ZNF462: variants seen among roughly 807,000 people sequenced by gnomAD.
The protein encoded by ZNF462 is zinc finger protein 462, also known as zinc finger PBX1-interacting protein.
Under a neutral mutation model 201.9 loss-of-function variants are expected in ZNF462, and 10 were observed. The observed-to-expected ratio is 0.05, with a 90% CI of 0.03 to 0.08. ZNF462 has a LOEUF of 0.08. Ranked by LOEUF, ZNF462 falls within the 10% of genes least tolerant of loss-of-function variation. ZNF462 has a pLI of 1.00. For synonymous variants in ZNF462, 1,227 were observed against 1,193.3 expected, an observed-to-expected ratio of 1.03 and a Z score of -0.58; for missense variants, 2,523 against 3,168.3, an observed-to-expected ratio of 0.80 and a Z score of 4.89.
rs1829913010 is a variant in ZNF462 at position 106,919,717 on chromosome 9, G to A, written c.-30-3637G>A. On this transcript the variant is annotated intron_variant, in intron 1 of 12. Transcript: ENST00000277225. This position sits in a 1 kb window ranked among gnomAD's most constrained non-coding sequence, Gnocchi z 4.5. ...GGATGGTTTAGGGGTTTCATGTTAGGAGGACCAGTCACATTAGGTGCCAGT... is the reference window on the plus strand; with the variant it reads ...GGATGGTTTAGGGGTTTCATGTTAGAAGGACCAGTCACATTAGGTGCCAGT... Among the ~76,000 whole-genome samples the A allele has an allele frequency of 1.3e-5, 2 of 152,312 alleles. No individual in the cohort carries two copies. The highest frequency in any genetic ancestry group is 1.3e-4 in the Admixed American group (2 of 15,302).
At position 106,962,978 on chromosome 9, in the gene ZNF462, G is replaced by C. The variant is rs1831909914; in HGVS notation, c.6428-9027G>C. On this transcript the variant is annotated intron_variant, in intron 7 of 12. Transcript: ENST00000277225. The surrounding 1 kb of genome is among the most constrained non-coding windows in gnomAD (Gnocchi z 4.6). ...AAGAAGGAAATAAAATAATGTGACT[G>C]CCTTTAGAGGCGTATGTTCCCCCTT... Among the ~76,000 whole-genome samples the C allele has an allele frequency of 6.6e-6, 1 of 152,122 alleles. No homozygotes were observed. Among genetic ancestry groups the C allele is most frequent in the East Asian group, 1.9e-4 (1 of 5,154 alleles).
At chr9:106,945,099 T>C (rs1196848613) in intron 7 of ZNF462, among the ~76,000 whole-genome samples, 3 of 152,212 alleles carry the variant, frequency 2.0e-5, no homozygotes, top group Admixed American at 6.5e-5. Context: ...ATCCAGTCTT[T>C]AATAAATGTC....
chr9:106,901,996 C>G (rs919835856), intron 1 of ZNF462, among the ~76,000 whole-genome samples: 1 of 151,952 alleles, frequency 6.6e-6, no homozygotes, highest in African/African-American at 2.4e-5. Context: ...TTGTCTTGTT[C>G]CAGTTCTCAG....
rs1827839053 is a variant in ZNF462 at position 106,876,584 on chromosome 9, CA to C, written c.-31+13230del. On this transcript the variant is annotated intron_variant, in intron 1 of 12. Coordinates refer to ENST00000277225, the MANE Select transcript of ZNF462 (RefSeq NM_021224.6). This position sits in a 1 kb window ranked among gnomAD's most constrained non-coding sequence, Gnocchi z 4.9. ...GCAGCACTCTGTATTGCTGTGTGTG[CA>C]TTCAGTAGGAGCTTGTAAACTACCC... Among the ~76,000 whole-genome samples, 1 of 152,158 alleles carries C rather than the reference CA, an allele frequency of 6.6e-6. No individual in the cohort carries two copies. The highest frequency in any genetic ancestry group is 2.4e-5 in the African/African-American group (1 of 41,434).
Position 106,972,078 on chromosome 9 carries a change from C to T in ZNF462, c.6501C>T (p.Asn2167=). ...NHYQSAALAR[N]NSRVSPVPLS... is the part of the protein sequence containing the mutation. ...ATCAGTCAGCTGCCCTGGCAAGGAA[C>T]AACAGCCGTGTTAGCCCTGTGCCTC... The change falls in exon 8 of 13, where the codon AAC becomes AAT. Residue 2167 remains asparagine, a synonymous_variant. Transcript: ENST00000277225. This position sits in a 1 kb window ranked among gnomAD's most constrained non-coding sequence, Gnocchi z 4.8. 2 of 1,614,180 alleles carry T rather than the reference C, an allele frequency of 1.2e-6. No individual in the cohort carries two copies. Among genetic ancestry groups the T allele is most frequent in the Non-Finnish European group, 8.5e-7 (1 of 1,180,022 alleles).
At position 107,010,585 on chromosome 9, in the gene ZNF462, T is replaced by C. The variant is rs1408237938; in HGVS notation, c.7314-238T>C. On this transcript the variant is annotated intron_variant, in intron 12 of 12. Coordinates refer to ENST00000277225, the MANE Select transcript of ZNF462 (RefSeq NM_021224.6). The surrounding 1 kb of genome is among the most constrained non-coding windows in gnomAD (Gnocchi z 4.6). ...GGATAATCAATATATAGTATAATAATGGATACTTCTGTAAGTTCAAATCTT... is the reference window on the plus strand; with the variant it reads ...GGATAATCAATATATAGTATAATAACGGATACTTCTGTAAGTTCAAATCTT... 6.6e-6 allele frequency among the ~76,000 whole-genome samples: 1 copy of C among 152,098 alleles called. No homozygotes were observed. The highest frequency in any genetic ancestry group is 2.4e-5 in the African/African-American group (1 of 41,428).
At chr9:106,873,954 G>A (rs1340274606) in intron 1 of ZNF462, among the ~76,000 whole-genome samples, 2 of 152,128 alleles carry the variant, frequency 1.3e-5, no homozygotes, top group African/African-American at 4.8e-5. Flanking sequence ...TCTCCAGACA[G>A]ACCCATAATC....
intron 7 of ZNF462, among the ~76,000 whole-genome samples, chr9:106,958,890 T>A (rs1388182026): frequency 1.3e-5 from 2 of 152,048 alleles, no homozygotes; most frequent in Non-Finnish European, 2.9e-5. Context: ...ACAGGAATGA[T>A]TGAGGCCAAG....
intron 7 of ZNF462, among the ~76,000 whole-genome samples, chr9:106,951,937 A>G (rs1020159882): frequency 4.0e-5 from 6 of 150,610 alleles, no homozygotes; most frequent in African/African-American, 1.5e-4. Context: ...TGCTGGGCTC[A>G]TTTTGATTGA....
At position 106,970,164 on chromosome 9, in the gene ZNF462, T is replaced by C. The variant is rs1265164160; in HGVS notation, c.6428-1841T>C. Among the ~76,000 whole-genome samples the C allele has an allele frequency of 1.3e-5, 2 of 152,160 alleles. No homozygotes were observed. The highest frequency in any genetic ancestry group is 4.8e-5 in the African/African-American group (2 of 41,430). Reference sequence around the variant, plus strand: ...AAGGAGATAAAAGAACTGGGTAAAATGAATTCAGTTGTCATTCCTTTCTTC... The same window carrying C: ...AAGGAGATAAAAGAACTGGGTAAAACGAATTCAGTTGTCATTCCTTTCTTC... On this transcript the variant is annotated intron_variant, in intron 7 of 12. Coordinates refer to ENST00000277225, the MANE Select transcript of ZNF462 (RefSeq NM_021224.6). The surrounding 1 kb of genome is among the most constrained non-coding windows in gnomAD (Gnocchi z 4.2).
At chr9:106,975,902 C>G (rs904924039) in intron 9 of ZNF462, 3 of 152,204 alleles carry the variant, frequency 2.0e-5, no homozygotes, top group African/African-American at 7.2e-5. Context: ...CCATAGCATT[C>G]TACCCTCAAC....
intron 1 of ZNF462, among the ~76,000 whole-genome samples, chr9:106,875,850 A>G (rs970195225): frequency 6.6e-6 from 1 of 152,232 alleles, no homozygotes; most frequent in Admixed American, 6.5e-5. Context: ...GCTGAACTTC[A>G]GAGCAACTAA....
At chr9:106,879,626 G>A (rs564368326) in intron 1 of ZNF462, among the ~76,000 whole-genome samples, 9 of 152,002 alleles carry the variant, frequency 5.9e-5, no homozygotes, top group African/African-American at 4.8e-5. Context: ...ATTTGAGACC[G>A]GCCATCCATT....
Position 106,972,536 on chromosome 9 carries a change from C to T in ZNF462, c.6695+264C>T, listed in dbSNP as rs932796447. On this transcript the variant is annotated intron_variant, in intron 8 of 12. Transcript: ENST00000277225. This position sits in a 1 kb window ranked among gnomAD's most constrained non-coding sequence, Gnocchi z 4.8. Reference sequence around the variant, plus strand: ...GCTCTCAAGTAGTGTAAGATTGAAGCAAATGATTTCCTCCCATGCGTGGAG... The same window carrying T: ...GCTCTCAAGTAGTGTAAGATTGAAGTAAATGATTTCCTCCCATGCGTGGAG... Among the ~76,000 whole-genome samples, 6 of 152,158 alleles carry T rather than the reference C, an allele frequency of 3.9e-5. No individual in the cohort carries two copies. Among genetic ancestry groups the T allele is most frequent in the Non-Finnish European group, 8.8e-5 (6 of 68,020 alleles).
intron 11 of ZNF462, among the ~76,000 whole-genome samples, chr9:107,007,221 C>T (rs536057632): frequency 5.9e-5 from 9 of 152,292 alleles, no homozygotes; most frequent in African/African-American, 1.9e-4. Flanking sequence ...CCCTTCTAGG[C>T]TTCTGCTCCC....
At chr9:106,896,882 A>G (rs1033391788) in intron 1 of ZNF462, among the ~76,000 whole-genome samples, 5 of 152,224 alleles carry the variant, frequency 3.3e-5, no homozygotes, top group African/African-American at 1.2e-4. Context: ...TTCACGTGCC[A>G]ACATTATTTT....
rs1829657908 is a variant in ZNF462 at position 106,913,925 on chromosome 9, T to A, written c.-30-9429T>A. Among the ~76,000 whole-genome samples, 1 of 150,526 alleles carries A rather than the reference T, an allele frequency of 6.6e-6. No individual in the cohort carries two copies. The highest frequency in any genetic ancestry group is 2.4e-5 in the African/African-American group (1 of 41,394). ...CTGACTTGACCATTTTTAATGACAT[T>A]TGCCCCTTACTCACAAAACTCACAG... is the stretch of plus-strand genomic sequence containing the variant. On this transcript the variant is annotated intron_variant, in intron 1 of 12. Coordinates refer to ENST00000277225, the MANE Select transcript of ZNF462 (RefSeq NM_021224.6). This position sits in a 1 kb window ranked among gnomAD's most constrained non-coding sequence, Gnocchi z 4.1.
chr9:106,877,189 TGTG>T (rs1020691222), intron 1 of ZNF462, among the ~76,000 whole-genome samples: 1 of 151,364 alleles, frequency 6.6e-6, no homozygotes, highest in Non-Finnish European at 1.5e-5. Context: ...GTGGTGGTGG[TGTG>T]GTGGTGGTGG....
At chr9:106,868,030 G>C (rs1291354009) in intron 1 of ZNF462, among the ~76,000 whole-genome samples, 1 of 150,396 alleles carries the variant, frequency 6.6e-6, no homozygotes, top group Non-Finnish European at 1.5e-5. Flanking sequence ...AGCAGAAGTG[G>C]AGGGAGACTA....
Sources: allele counts gnomAD v4.1 joint callset (sites outside exome capture counted in the v4.1 genomes callset), GRCh38; gene constraint gnomAD v4.1.1; non-coding constraint Gnocchi (gnomAD v3.1); transcripts MANE v1.5; gene names NCBI Gene and HGNC (gene_info 2026-07-23, HGNC 2026-07-21).